Variants in GIGYF2 observed in about 807,000 individuals in gnomAD.
GIGYF2 encodes the protein GRB10 interacting GYF protein 2, also known as GRB10-interacting GYF protein 2.
A neutral mutation model predicts 208.1 loss-of-function variants in GIGYF2; 25 were observed. The ratio of observed to expected loss-of-function variants is 0.12; its 90% CI spans 0.09 to 0.17. The LOEUF (loss-of-function observed/expected upper bound fraction) is 0.17, where lower values mean the gene tolerates loss of function less well. Among genes scored for constraint, GIGYF2 ranks in the 10% least tolerant of loss-of-function variants. The pLI, the probability that GIGYF2 is intolerant of heterozygous loss-of-function variation, is 1.00. For missense variants in GIGYF2, 1,302 were observed against 1,579.4 expected, an observed-to-expected ratio of 0.82 and a Z score of 2.98; for synonymous variants, 534 against 543.8, an observed-to-expected ratio of 0.98 and a Z score of 0.25.
intron 6 of GIGYF2, among the ~76,000 whole-genome samples, chr2:232,757,775 CG>C (rs34546644): frequency 0.2 from 23,799 of 120,250 alleles, 3,737 homozygotes; most frequent in South Asian, 0.48. Context: ...CAGCACCCCC[CG>C]CCCCCCGCCA....
At chr2:232,790,628 A>G (rs998491238) in intron 9 of GIGYF2, 70 bp from the exon 10 acceptor site, 14 of 1,276,602 alleles carry the variant, frequency 1.1e-5, no homozygotes, top group Non-Finnish European at 1.6e-5. Flanking sequence ...TTTATTTTCT[A>G]TTCCTGATTT....
chr2:232,787,869 T>C (rs1280786604), intron 9 of GIGYF2, among the ~76,000 whole-genome samples: 1 of 152,232 alleles, frequency 6.6e-6, no homozygotes, highest in Non-Finnish European at 1.5e-5. Flanking sequence ...GAGACAATAG[T>C]AGTGATTAGT....
chr2:232,829,642 C>G (rs1701359456), intron 21 of GIGYF2, among the ~76,000 whole-genome samples: 1 of 152,160 alleles, frequency 6.6e-6, no homozygotes, highest in Non-Finnish European at 1.5e-5. Flanking sequence ...ATGAGCCAGC[C>G]AAGGATTTCT....
intron 21 of GIGYF2, among the ~76,000 whole-genome samples, chr2:232,827,841 C>T (rs370381245): frequency 1.3e-5 from 2 of 152,118 alleles, no homozygotes; most frequent in African/African-American, 4.8e-5. Context: ...CTGAGCATTA[C>T]TTTAATTACG....
At chr2:232,712,128 C>T (rs921831760) in intron 2 of GIGYF2, among the ~76,000 whole-genome samples, 2 of 151,930 alleles carry the variant, frequency 1.3e-5, no homozygotes, top group African/African-American at 4.8e-5. Context: ...TTATAATTGG[C>T]AACAGGTACT....
intron 25 of GIGYF2, among the ~76,000 whole-genome samples, chr2:232,845,329 T>A (rs1559166551): frequency 6.6e-6 from 1 of 152,230 alleles, no homozygotes; most frequent in African/African-American, 2.4e-5. Flanking sequence ...AATAAATTTC[T>A]GTTAGTTTAT....
chr2:232,709,532 C>G (rs993886630), intron 2 of GIGYF2, among the ~76,000 whole-genome samples: 1 of 152,034 alleles, frequency 6.6e-6, no homozygotes, highest in Admixed American at 6.6e-5. Flanking sequence ...TCATAGAGGC[C>G]GGGCGCGGTG....
intron 8 of GIGYF2, among the ~76,000 whole-genome samples, chr2:232,782,061 G>A (rs1005714048): frequency 6.6e-6 from 1 of 152,124 alleles, no homozygotes; most frequent in South Asian, 2.1e-4. Flanking sequence ...TGGGGATCAG[G>A]TGCTATGTCT....
At chr2:232,807,242 C>G (rs114558286) in intron 15 of GIGYF2, among the ~76,000 whole-genome samples, 1 of 152,062 alleles carries the variant, frequency 6.6e-6, no homozygotes, top group East Asian at 1.9e-4. Context: ...GAACCATGGC[C>G]GGGCACATTG....
chr2:232,714,042 C>A (rs933701653), intron 2 of GIGYF2, among the ~76,000 whole-genome samples: 2 of 151,644 alleles, frequency 1.3e-5, no homozygotes, highest in Admixed American at 6.6e-5. Flanking sequence ...CTACGCTTCC[C>A]GGGTTCATGC....
At chr2:232,706,399 G>A (rs557941272) in intron 2 of GIGYF2, among the ~76,000 whole-genome samples, 1 of 152,332 alleles carries the variant, frequency 6.6e-6, no homozygotes, top group African/African-American at 2.4e-5. Context: ...ATCCCAGCAT[G>A]TTGGGAGGTT....
chr2:232,805,270 A>AT (rs777604015), intron 14 of GIGYF2, among the ~76,000 whole-genome samples: 3 of 151,506 alleles, frequency 2.0e-5, no homozygotes, highest in Non-Finnish European at 4.4e-5. Flanking sequence ...AATCTTGCAG[A>AT]TTTTCTGCTA....
intron 14 of GIGYF2, among the ~76,000 whole-genome samples, chr2:232,800,930 T>C (rs1020643771): frequency 2.6e-5 from 4 of 151,842 alleles, no homozygotes; most frequent in African/African-American, 9.7e-5. Context: ...CAGTCTGCAG[T>C]GCAGTGGGGC....
intron 21 of GIGYF2, among the ~76,000 whole-genome samples, chr2:232,823,092 TTGA>T (rs1304582126): frequency 5.3e-5 from 8 of 152,154 alleles, no homozygotes; most frequent in Admixed American, 2.0e-4. Context: ...TCTGCATTGA[TTGA>T]TGATCATTTA....
chr2:232,795,261 T>C (rs1345376966), intron 13 of GIGYF2, among the ~76,000 whole-genome samples: 2 of 152,188 alleles, frequency 1.3e-5, no homozygotes, highest in African/African-American at 4.8e-5. Context: ...GGTCACTGTA[T>C]CTTTTGTATT....
At chr2:232,705,596 G>C (rs1696064226) in intron 2 of GIGYF2, 1 of 151,760 alleles carries the variant, frequency 6.6e-6, no homozygotes, top group Non-Finnish European at 1.5e-5. Context: ...GTAGAGACAG[G>C]GTTTCTCCAT....
Position 232,768,571 on chromosome 2 carries a change from G to C in GIGYF2, c.532+7135G>C. ...TACGTTAGTGGAAAGATGAAGAATG[G>C]ACATTCGTCAGAACTGATGCCATCA... On this transcript the variant is annotated intron_variant, in intron 8 of 28. Transcript: ENST00000373563. 5 of 1,614,136 alleles carry C rather than the reference G, an allele frequency of 3.1e-6. No individual in the cohort carries two copies. In the South Asian group the frequency reaches 5.5e-5, roughly 18 times the overall value.
intron 8 of GIGYF2, chr2:232,765,792 T>G: frequency 2.8e-6 from 1 of 362,592 alleles, no homozygotes; most frequent in South Asian, 2.2e-5. Context: ...CTTCTGGTAC[T>G]TGGTAGTATG....
intron 8 of GIGYF2, among the ~76,000 whole-genome samples, chr2:232,780,527 G>A (rs189483286): frequency 1.6e-4 from 25 of 152,206 alleles, no homozygotes; most frequent in Middle Eastern, 3.4e-3. Context: ...AAATTCTGAC[G>A]AAAGCTGTAG....
Sources: allele counts gnomAD v4.1 joint callset (sites outside exome capture counted in the v4.1 genomes callset), GRCh38; gene constraint gnomAD v4.1.1; transcripts MANE v1.5; gene names NCBI Gene and HGNC (gene_info 2026-07-23, HGNC 2026-07-21).